DLG2: variants seen among roughly 807,000 people sequenced by gnomAD.
The protein encoded by DLG2 is discs large MAGUK scaffold protein 2, also known as disks large homolog 2.
Under a neutral mutation model 132.5 loss-of-function variants are expected in DLG2, and 45 were observed. The ratio of observed to expected loss-of-function variants is 0.34; its 90% CI spans 0.27 to 0.44. DLG2 has a LOEUF of 0.44. Ranked by LOEUF, DLG2 falls within the 20% of genes least tolerant of loss-of-function variation. The pLI is 1.00. For missense variants in DLG2, 1,045 were observed against 1,196.9 expected (o/e 0.87, Z 1.87); for synonymous variants, 424 against 419.6 (o/e 1.01, Z -0.13).
intron 3 of DLG2, among the ~76,000 whole-genome samples, chr11:85,285,631 A>T (rs2078506336): frequency 6.6e-6 from 1 of 152,032 alleles, no homozygotes; most frequent in Non-Finnish European, 1.5e-5. Context: ...ATATAATAGA[A>T]TGTTATTCAG....
intron 8 of DLG2, among the ~76,000 whole-genome samples, chr11:84,220,756 G>A (rs2096901128): frequency 6.8e-6 from 1 of 146,844 alleles, no homozygotes; most frequent in Admixed American, 6.8e-5. Flanking sequence ...AAAGTGTCAC[G>A]TGCTTTTTTT....
chr11:83,517,724 A>G (rs1322475980), intron 21 of DLG2, among the ~76,000 whole-genome samples: 1 of 152,088 alleles, frequency 6.6e-6, no homozygotes, highest in Non-Finnish European at 1.5e-5. Context: ...TCTGTTTGTT[A>G]GTTTTCCTTC....
At chr11:83,841,926 A>G (rs1045762488) in intron 16 of DLG2, among the ~76,000 whole-genome samples, 1 of 152,202 alleles carries the variant, frequency 6.6e-6, no homozygotes, top group Non-Finnish European at 1.5e-5. Flanking sequence ...GGAAGTGGAC[A>G]AGTGCTATGA....
intron 18 of DLG2, among the ~76,000 whole-genome samples, chr11:83,681,407 T>C (rs2078775021): frequency 6.6e-6 from 1 of 152,136 alleles, no homozygotes; most frequent in Non-Finnish European, 1.5e-5. Flanking sequence ...TAATTGTTAA[T>C]GGTGATAATG....
chr11:85,121,806 C>G (rs1345111760), intron 5 of DLG2, among the ~76,000 whole-genome samples: 3 of 152,146 alleles, frequency 2.0e-5, no homozygotes, highest in Admixed American at 1.3e-4. Flanking sequence ...ATTTCTTTCA[C>G]AACTATTTAT....
chr11:84,675,033 C>G (rs1403830509), intron 6 of DLG2, among the ~76,000 whole-genome samples: 1 of 152,044 alleles, frequency 6.6e-6, no homozygotes, highest in Non-Finnish European at 1.5e-5. Flanking sequence ...TTCCATAAAC[C>G]TAGTATACAG....
At chr11:84,225,847 G>GT (rs949766942) in intron 8 of DLG2, among the ~76,000 whole-genome samples, 39 of 138,546 alleles carry the variant, frequency 2.8e-4, no homozygotes, top group African/African-American at 1.0e-3. Flanking sequence ...TGCTCACTTT[G>GT]TTGCCCAGGC....
intron 5 of DLG2, among the ~76,000 whole-genome samples, chr11:85,150,451 G>A (rs1175665693): frequency 3.3e-5 from 5 of 151,922 alleles, no homozygotes; most frequent in Non-Finnish European, 7.4e-5. Context: ...ACCTAGATGA[G>A]TTTTTCATCT....
At chr11:84,502,259 C>T (rs866143706) in intron 7 of DLG2, among the ~76,000 whole-genome samples, 9 of 33,574 alleles carry the variant, frequency 2.7e-4, no homozygotes, top group South Asian at 3.3e-3. Context: ...TCCTTCCTTC[C>T]TTCCTTCCTT....
At chr11:85,467,291 T>C (rs144553136) in intron 3 of DLG2, among the ~76,000 whole-genome samples, 5,446 of 152,304 alleles carry the variant, frequency 0.036, 146 homozygotes, top group Admixed American at 0.053. Flanking sequence ...CCTAATTGAA[T>C]ACCCGTTATT....
intron 15 of DLG2, among the ~76,000 whole-genome samples, chr11:83,925,072 G>C (rs1402517071): frequency 1.3e-5 from 2 of 152,068 alleles, no homozygotes; most frequent in Non-Finnish European, 2.9e-5. Flanking sequence ...ATAAGCAGGA[G>C]GCCCTTAGGT....
chr11:83,794,451 T>G (rs1033452344), intron 17 of DLG2, among the ~76,000 whole-genome samples: 5 of 150,722 alleles, frequency 3.3e-5, no homozygotes, highest in African/African-American at 2.4e-5. Context: ...TTTTTTTTTT[T>G]TTTTTTTTTT....
intron 6 of DLG2, among the ~76,000 whole-genome samples, chr11:84,744,579 C>T (rs1443738453): frequency 3.3e-5 from 5 of 152,146 alleles, no homozygotes; most frequent in African/African-American, 1.2e-4. Context: ...AAATACTAAA[C>T]ATACCTTAAT....
intron 19 of DLG2, among the ~76,000 whole-genome samples, chr11:83,555,450 A>G (rs966796422): frequency 6.6e-6 from 1 of 152,170 alleles, no homozygotes; most frequent in Non-Finnish European, 1.5e-5. Context: ...GGTAGTGGGG[A>G]AAGGTAGTAA....
intron 15 of DLG2, among the ~76,000 whole-genome samples, chr11:83,896,548 C>T (rs1476595171): frequency 6.6e-6 from 1 of 152,148 alleles, no homozygotes. Flanking sequence ...AATAGCTTGA[C>T]CCCGTAAACA....
intron 7 of DLG2, among the ~76,000 whole-genome samples, chr11:84,290,701 C>G (rs1468477866): frequency 1.3e-5 from 2 of 152,038 alleles, no homozygotes; most frequent in African/African-American, 4.8e-5. Flanking sequence ...AGTAACATAA[C>G]TAGGGTCTTA....
intron 18 of DLG2, among the ~76,000 whole-genome samples, chr11:83,757,752 T>C (rs1368427734): frequency 6.6e-6 from 1 of 152,164 alleles, no homozygotes; most frequent in Non-Finnish European, 1.5e-5. Flanking sequence ...TACACACTCA[T>C]ACATGCACAT....
chr11:84,406,075 A>G (rs1286720351), intron 7 of DLG2, among the ~76,000 whole-genome samples: 2 of 152,026 alleles, frequency 1.3e-5, no homozygotes, highest in Non-Finnish European at 2.9e-5. Context: ...TTTCTTTACA[A>G]GCAACTCTAG....
At chr11:85,418,363 T>G (rs567864485) in intron 3 of DLG2, among the ~76,000 whole-genome samples, 3 of 152,238 alleles carry the variant, frequency 2.0e-5, no homozygotes, top group South Asian at 4.1e-4. Flanking sequence ...TTACTTCCAA[T>G]TATGTGGTCA....
Sources: allele counts gnomAD v4.1 joint callset (sites outside exome capture counted in the v4.1 genomes callset), GRCh38; gene constraint gnomAD v4.1.1; transcripts MANE v1.5; gene names NCBI Gene and HGNC (gene_info 2026-07-23, HGNC 2026-07-21).